TAFA1: variants seen among roughly 807,000 people sequenced by gnomAD.
The protein encoded by TAFA1 is chemokine-like protein TAFA-1.
Under a neutral mutation model 18.5 loss-of-function variants are expected in TAFA1, and 4 were observed. The observed-to-expected ratio is 0.22, with a 90% CI of 0.11 to 0.49. TAFA1 has a LOEUF of 0.49. TAFA1 is among the 20% of genes least tolerant of loss of function. TAFA1 has a pLI of 0.98. For missense variants in TAFA1, 147 were observed against 169.0 expected (o/e 0.87, Z 0.72); for synonymous variants, 56 against 55.2 (o/e 1.01, Z -0.06).
At chr3:68,246,059 T>C (rs182893511) in intron 2 of TAFA1, among the ~76,000 whole-genome samples, 45 of 152,282 alleles carry the variant, frequency 3.0e-4, no homozygotes, top group Admixed American at 2.9e-3. Flanking sequence ...TCAACGACGA[T>C]GTCCGGTACC....
intron 2 of TAFA1, among the ~76,000 whole-genome samples, chr3:68,282,436 A>G (rs139758166): frequency 1.3e-5 from 2 of 152,252 alleles, no homozygotes; most frequent in Non-Finnish European, 2.9e-5. Context: ...AAAAATCTCT[A>G]AGTAACAGTA....
chr3:68,536,547 T>A (rs2073281447), intron 3 of TAFA1, among the ~76,000 whole-genome samples: 2 of 152,112 alleles, frequency 1.3e-5, no homozygotes, highest in African/African-American at 4.8e-5. Flanking sequence ...TTTTGAGGAT[T>A]CTGAATGGGA....
chr3:68,521,759 GA>G (rs1156782801), intron 3 of TAFA1, among the ~76,000 whole-genome samples: 30 of 150,974 alleles, frequency 2.0e-4, no homozygotes, highest in Non-Finnish European at 3.7e-4. Flanking sequence ...GATAGGGAAG[GA>G]AAAAACCTAT....
chr3:68,009,772 A>G (rs1380703276), intron 2 of TAFA1, among the ~76,000 whole-genome samples: 1 of 152,202 alleles, frequency 6.6e-6, no homozygotes, highest in African/African-American at 2.4e-5. Flanking sequence ...TTTTAAGAAT[A>G]AAAATATGCT....
At chr3:68,123,738 C>T (rs1371405598) in intron 2 of TAFA1, among the ~76,000 whole-genome samples, 1 of 151,978 alleles carries the variant, frequency 6.6e-6, no homozygotes, top group Non-Finnish European at 1.5e-5. Context: ...GATTGTTCAC[C>T]TGAAATTTGG....
rs759203580 is a variant in TAFA1, at chr3:68,170,705, T to C, written c.118+163961T>C. ...GGCAGAGCTGTAAACTACTGGAGCATTGGAGGCATGCTCATAAACACACAG... is the reference window on the plus strand; with the variant it reads ...GGCAGAGCTGTAAACTACTGGAGCACTGGAGGCATGCTCATAAACACACAG... On this transcript the variant is annotated intron_variant, in intron 2 of 4. Transcript: ENST00000478136. Among the ~76,000 whole-genome samples the C allele has an allele frequency of 7.2e-5, 11 of 152,078 alleles. No homozygotes were observed. In the East Asian group the frequency reaches 9.7e-4, roughly 13 times the overall value.
intron 2 of TAFA1, among the ~76,000 whole-genome samples, chr3:68,315,534 G>A (rs2068593463): frequency 6.6e-6 from 1 of 152,138 alleles, no homozygotes; most frequent in Admixed American, 6.6e-5. Flanking sequence ...TATGCCATAT[G>A]TGCCTAGCTT....
At chr3:68,213,582 T>C (rs2066620211) in intron 2 of TAFA1, among the ~76,000 whole-genome samples, 1 of 152,100 alleles carries the variant, frequency 6.6e-6, no homozygotes, top group South Asian at 2.1e-4. Flanking sequence ...CTGGAGTATA[T>C]GAAAGATATT....
At chr3:68,497,347 G>A (rs1275656769) in intron 3 of TAFA1, among the ~76,000 whole-genome samples, 1 of 152,150 alleles carries the variant, frequency 6.6e-6, no homozygotes, top group African/African-American at 2.4e-5. Flanking sequence ...TAGCAATATG[G>A]CAAGGCTGGT....
intron 2 of TAFA1, among the ~76,000 whole-genome samples, chr3:68,036,371 G>A (rs1161014517): frequency 4.0e-5 from 6 of 151,012 alleles, no homozygotes; most frequent in African/African-American, 1.2e-4. Context: ...CCCGGGAGGT[G>A]GAGGTTGCAG....
At chr3:68,151,828 C>T (rs540097125) in intron 2 of TAFA1, among the ~76,000 whole-genome samples, 1 of 152,016 alleles carries the variant, frequency 6.6e-6, no homozygotes, top group Non-Finnish European at 1.5e-5. Context: ...ATATAGCCTG[C>T]TTCCCCTGTT....
At chr3:68,480,981 C>T (rs1180210495) in intron 3 of TAFA1, among the ~76,000 whole-genome samples, 4 of 151,996 alleles carry the variant, frequency 2.6e-5, no homozygotes, top group African/African-American at 7.3e-5. Flanking sequence ...TCTTCCCTGC[C>T]GTCATGTAAG....
At chr3:68,434,357 G>C (rs967775381) in intron 3 of TAFA1, among the ~76,000 whole-genome samples, 5 of 152,020 alleles carry the variant, frequency 3.3e-5, no homozygotes, top group African/African-American at 9.7e-5. Context: ...CAATGAGCTT[G>C]TTACAAGCAG....
intron 3 of TAFA1, among the ~76,000 whole-genome samples, chr3:68,436,001 C>T (rs1233090859): frequency 6.6e-6 from 1 of 152,114 alleles, no homozygotes; most frequent in Non-Finnish European, 1.5e-5. Flanking sequence ...TAGACATTTG[C>T]ATTTTTTAAA....
At chr3:68,193,219 G>A (rs949529207) in intron 2 of TAFA1, among the ~76,000 whole-genome samples, 1 of 151,664 alleles carries the variant, frequency 6.6e-6, no homozygotes, top group African/African-American at 2.4e-5. Context: ...GCTAACTGTG[G>A]TATTTAGGGA....
intron 2 of TAFA1, among the ~76,000 whole-genome samples, chr3:68,036,004 G>A (rs939872435): frequency 1.3e-5 from 2 of 152,286 alleles, no homozygotes; most frequent in African/African-American, 2.4e-5. Flanking sequence ...AGGGGCTAAG[G>A]TTGAGGGTAG....
chr3:68,381,984 T>C (rs1276611880), intron 2 of TAFA1, among the ~76,000 whole-genome samples: 16 of 152,296 alleles, frequency 1.1e-4, no homozygotes, highest in African/African-American at 3.8e-4. Context: ...GCATGAAGGG[T>C]TGTTGACTTT....
intron 1 of TAFA1, among the ~76,000 whole-genome samples, chr3:68,006,065 C>T (rs1704350812): frequency 6.6e-6 from 1 of 152,106 alleles, no homozygotes; most frequent in South Asian, 2.1e-4. Flanking sequence ...AACACAATCC[C>T]TTCTGATTCT....
chr3:68,523,071 C>T (rs1040444432), intron 3 of TAFA1, among the ~76,000 whole-genome samples: 17 of 62,456 alleles, frequency 2.7e-4, no homozygotes, highest in Admixed American at 2.0e-3. Flanking sequence ...AGCGAGACTC[C>T]GTCTCAAAAA....
Sources: gnomAD v4.1 joint callset for allele counts (sites outside exome capture counted in the v4.1 genomes callset) on GRCh38, gnomAD v4.1.1 for gene constraint, MANE v1.5 for transcripts, NCBI Gene and HGNC (gene_info 2026-07-23, HGNC 2026-07-21) for gene names.